The following CTNNA2 variants were observed in gnomAD, a reference collection of about 807,000 sequenced individuals.
CTNNA2 encodes catenin alpha 2, also known as catenin alpha-2.
Under a neutral mutation model 101.0 loss-of-function variants are expected in CTNNA2, and 42 were observed. The ratio of observed to expected loss-of-function variants is 0.42; its 90% CI spans 0.32 to 0.54. The LOEUF is 0.54. Ranked by LOEUF, CTNNA2 falls within the 20% of genes least tolerant of loss-of-function variation. The pLI is 0.14. For synonymous variants in CTNNA2, 450 were observed against 456.4 expected, an observed-to-expected ratio of 0.99 and a Z score of 0.18; for missense variants, 871 against 1,223.1, an observed-to-expected ratio of 0.71 and a Z score of 4.29.
chr2:79,284,868 C>T (rs561791261), intron 2 of CTNNA2, among the ~76,000 whole-genome samples: 7 of 141,466 alleles, frequency 4.9e-5, no homozygotes, highest in South Asian at 2.5e-4. Context: ...TGGTAGAATT[C>T]GGCTGTGAAT....
intron 7 of CTNNA2, among the ~76,000 whole-genome samples, chr2:79,913,496 G>T (rs1006352629): frequency 3.3e-5 from 5 of 152,118 alleles, no homozygotes; most frequent in Non-Finnish European, 7.3e-5. Context: ...CTAATGGAAT[G>T]AGAGGCCATT....
intron 3 of CTNNA2, among the ~76,000 whole-genome samples, chr2:79,766,664 G>GATTT (rs926114947): frequency 2.0e-5 from 3 of 151,956 alleles, no homozygotes; most frequent in African/African-American, 7.2e-5. Context: ...TTAATTCTTA[G>GATTT]ATTTGCCCTT....
chr2:79,408,382 C>A (rs1678364656), intron 4 of CTNNA2, among the ~76,000 whole-genome samples: 1 of 151,120 alleles, frequency 6.6e-6, no homozygotes, highest in Admixed American at 6.6e-5. Context: ...TATACATGTG[C>A]CATGCTGGTG....
At chr2:80,056,317 C>T (rs977133489) in intron 7 of CTNNA2, among the ~76,000 whole-genome samples, 7 of 152,196 alleles carry the variant, frequency 4.6e-5, no homozygotes, top group Non-Finnish European at 1.0e-4. Context: ...GGTGATTACA[C>T]AATTTCCTTC....
At chr2:80,510,299 A>T (rs1688610664) in intron 9 of CTNNA2, among the ~76,000 whole-genome samples, 1 of 152,190 alleles carries the variant, frequency 6.6e-6, no homozygotes. Flanking sequence ...TGATTATCTC[A>T]TGAAGCTACT....
intron 7 of CTNNA2, among the ~76,000 whole-genome samples, chr2:79,922,409 A>C (rs1020450298): frequency 6.6e-6 from 1 of 152,124 alleles, no homozygotes; most frequent in African/African-American, 2.4e-5. Flanking sequence ...ATTATTCCTG[A>C]AAAATAGACA....
chr2:80,166,116 C>G (rs1259660143), intron 7 of CTNNA2, among the ~76,000 whole-genome samples: 1 of 152,100 alleles, frequency 6.6e-6, no homozygotes, highest in African/African-American at 2.4e-5. Flanking sequence ...GTTCCTGGCA[C>G]AGAGCTCCAA....
chr2:80,637,721 A>G (rs1413979221), intron 18 of CTNNA2, among the ~76,000 whole-genome samples: 2 of 152,174 alleles, frequency 1.3e-5, no homozygotes, highest in Admixed American at 6.5e-5. Flanking sequence ...CCACATTAGA[A>G]CATAGCTCCT....
intron 1 of CTNNA2, among the ~76,000 whole-genome samples, chr2:79,542,312 T>G (rs767625242): frequency 3.3e-5 from 5 of 152,202 alleles, no homozygotes; most frequent in African/African-American, 1.2e-4. Context: ...TGTTATCTGA[T>G]GTTAAAAGTA....
intron 9 of CTNNA2, among the ~76,000 whole-genome samples, chr2:80,430,031 G>C (rs1194640471): frequency 1.3e-5 from 2 of 152,056 alleles, no homozygotes; most frequent in South Asian, 4.1e-4. Flanking sequence ...ATATGTAAGA[G>C]AAACCAACTA....
At chr2:80,089,272 T>C (rs1223424590) in intron 7 of CTNNA2, among the ~76,000 whole-genome samples, 1 of 151,938 alleles carries the variant, frequency 6.6e-6, no homozygotes, top group Non-Finnish European at 1.5e-5. Context: ...TGTTGGAAAA[T>C]GTAGAGCTAG....
At chr2:79,818,979 T>C (rs1677791916) in intron 3 of CTNNA2, among the ~76,000 whole-genome samples, 1 of 81,802 alleles carries the variant, frequency 1.2e-5, no homozygotes, top group African/African-American at 4.2e-5. Flanking sequence ...ATTCTTTTTC[T>C]TTTTTTTTTT....
intron 3 of CTNNA2, among the ~76,000 whole-genome samples, chr2:79,365,945 G>C (rs1677740633): frequency 1.3e-5 from 2 of 152,150 alleles, no homozygotes; most frequent in African/African-American, 4.8e-5. Context: ...CATTCATGAG[G>C]GCTTCTCAAG....
At chr2:80,043,961 C>T (rs948163941) in intron 7 of CTNNA2, among the ~76,000 whole-genome samples, 1 of 152,136 alleles carries the variant, frequency 6.6e-6, no homozygotes, top group East Asian at 1.9e-4. Flanking sequence ...TGTATACACA[C>T]CCATGTTTGA....
intron 7 of CTNNA2, among the ~76,000 whole-genome samples, chr2:80,073,605 G>C (rs1448902894): frequency 5.3e-5 from 8 of 152,084 alleles, no homozygotes; most frequent in Non-Finnish European, 1.0e-4. Flanking sequence ...GTAAAAATTT[G>C]AGATTGATGC....
chr2:79,265,852 A>T (rs537432189), intron 2 of CTNNA2, among the ~76,000 whole-genome samples: 102 of 152,298 alleles, frequency 6.7e-4, no homozygotes, highest in African/African-American at 2.3e-3. Flanking sequence ...AGAAAAAAAT[A>T]ATAAAATTAG....
At chr2:80,379,569 T>A (rs537032015) in intron 7 of CTNNA2, among the ~76,000 whole-genome samples, 2 of 152,266 alleles carry the variant, frequency 1.3e-5, no homozygotes, top group African/African-American at 4.8e-5. Context: ...CTATTTCAGG[T>A]GTACTTCCAG....
chr2:79,322,326 G>A (rs941868915), intron 3 of CTNNA2, among the ~76,000 whole-genome samples: 16 of 152,180 alleles, frequency 1.1e-4, no homozygotes, highest in Non-Finnish European at 2.1e-4. Context: ...TTGTCTTATG[G>A]AGACACTGAC....
At chr2:79,497,401 G>T (rs1029234355) in intron 4 of CTNNA2, among the ~76,000 whole-genome samples, 1 of 152,122 alleles carries the variant, frequency 6.6e-6, no homozygotes, top group African/African-American at 2.4e-5. Flanking sequence ...CAATGACATT[G>T]ACCCATCTCG....
Sources: allele counts gnomAD v4.1 joint callset (sites outside exome capture counted in the v4.1 genomes callset), GRCh38; gene constraint gnomAD v4.1.1; transcripts MANE v1.5; gene names NCBI Gene and HGNC (gene_info 2026-07-23, HGNC 2026-07-21).